Variants in CEP63 observed in about 807,000 individuals in gnomAD.
CEP63 encodes the protein centrosomal protein 63, also known as centrosomal protein of 63 kDa.
Under a neutral mutation model 89.1 loss-of-function variants are expected in CEP63, and 84 were observed. The observed-to-expected ratio is 0.94, with a 90% CI of 0.79 to 1.13. The LOEUF is 1.13. Among genes scored for constraint, CEP63 ranks in the 50% most tolerant of loss-of-function variants. CEP63 has a pLI of 0.00. For synonymous variants in CEP63, 267 were observed against 272.5 expected (o/e 0.98, Z 0.20); for missense variants, 838 against 813.3 (o/e 1.03, Z -0.37).
the CEP63 span, among the ~76,000 whole-genome samples, chr3:134,771,853 T>C: frequency 6.6e-6 from 1 of 152,038 alleles, no homozygotes; most frequent in African/African-American, 2.4e-5. Flanking sequence ...AAAAAAGAAG[T>C]CCATGCCCAT....
At chr3:134,661,509 AC>A in the CEP63 span, among the ~76,000 whole-genome samples, 2 of 152,190 alleles carry the variant, frequency 1.3e-5, no homozygotes. Flanking sequence ...CATGTAGTTG[AC>A]CTAGAAGATA....
At chr3:134,754,943 T>A in the CEP63 span, among the ~76,000 whole-genome samples, 1 of 151,904 alleles carries the variant, frequency 6.6e-6, no homozygotes, top group Non-Finnish European at 1.5e-5. Context: ...TAACAGGACT[T>A]TCCCTATCTC....
the CEP63 span, among the ~76,000 whole-genome samples, chr3:134,696,060 A>C: frequency 1.3e-5 from 2 of 152,228 alleles, no homozygotes; most frequent in Non-Finnish European, 2.9e-5. Flanking sequence ...TTGTCTGCCT[A>C]ATAAGACAAA....
Position 134,537,271 on chromosome 3 carries a change from A to C in CEP63, c.555+3A>C. ...CTGAACAATCAGAGATAATTCAGGT[A>C]GGCCTAAGACTTTTTAAAATAATGA... On this transcript the variant is annotated splice_donor_region_variant and intron_variant, in intron 6 of 14. Transcript: ENST00000675561. 2.5e-6 allele frequency: 4 copies of C among 1,571,376 alleles called. No individual in the cohort carries two copies.
Position 134,551,979 on chromosome 3 carries a change from A to G in CEP63, c.1434A>G (p.Glu478=). ...SLKLENRHLS[E]MVMKLELGLH... is the part of the protein sequence containing the mutation. ...AATTAGAAAATCGTCATCTTTCTGA[A>G]ATGGTGATGAAATTGGAATTGGGTT... The change falls in exon 12 of 15, where the codon GAA becomes GAG. Residue 478 remains glutamate, a synonymous_variant. Transcript: ENST00000675561. 1 of 1,607,150 alleles carries G rather than the reference A, an allele frequency of 6.2e-7. No homozygotes were observed. Among genetic ancestry groups the G allele is most frequent in the Non-Finnish European group, 8.5e-7 (1 of 1,175,500 alleles).
At chr3:134,567,467 C>CAAAAA (rs61700362), downstream of CEP63, among the ~76,000 whole-genome samples, 1 of 134,096 alleles carries the variant, frequency 7.5e-6, no homozygotes, top group Non-Finnish European at 1.6e-5. Flanking sequence ...TCACTGTTAC[C>CAAAAA]AAAAAAAAAA....
At chr3:134,566,129 CTT>C (rs11316038), downstream of CEP63, among the ~76,000 whole-genome samples, 22 of 150,250 alleles carry the variant, frequency 1.5e-4, no homozygotes, top group Admixed American at 1.1e-3. Context: ...CAATTCACAT[CTT>C]TTTTTTTTTC....
At chr3:134,595,705 T>C in the CEP63 span, among the ~76,000 whole-genome samples, 1 of 152,180 alleles carries the variant, frequency 6.6e-6, no homozygotes, top group African/African-American at 2.4e-5. Flanking sequence ...GGCCTTCTCA[T>C]TCTCAATCCT....
downstream of CEP63, among the ~76,000 whole-genome samples, chr3:134,591,204 C>A (rs1958589754): frequency 6.6e-6 from 1 of 152,200 alleles, no homozygotes; most frequent in Non-Finnish European, 1.5e-5. Flanking sequence ...GAAGGTATGT[C>A]ACCACTGTTT....
Position 134,546,275 on chromosome 3 carries a change from G to C in CEP63, c.916G>C (p.Val306Leu), listed in dbSNP as rs144258361. 2 of 1,613,298 alleles carry C rather than the reference G, an allele frequency of 1.2e-6. No homozygotes were observed. Among genetic ancestry groups the C allele is most frequent in the African/African-American group, 2.7e-5 (2 of 74,926 alleles). ...KVKATNTQHA[V>L]EAIRPREESL... ...AAAGGCAACTAACACTCAACATGCTGTAGAAGCTATAAGGTAAATTTAATC... is the reference window on the plus strand; with the variant it reads ...AAAGGCAACTAACACTCAACATGCTCTAGAAGCTATAAGGTAAATTTAATC... Residue 306 changes from valine (V) to leucine (L), a missense_variant, in exon 8 of 15, where the codon GTA becomes CTA. Physicochemically the swap from Val to Leu is conservative, Grantham distance 32. Transcript: ENST00000675561.
At chr3:134,665,488 G>A in the CEP63 span, among the ~76,000 whole-genome samples, 2 of 152,212 alleles carry the variant, frequency 1.3e-5, no homozygotes, top group African/African-American at 2.4e-5. Flanking sequence ...TGACAGTACA[G>A]TTTGCACTCC....
At chr3:134,495,188 A>G (rs1042382200) in intron 1 of CEP63, 108 bp from the exon 2 acceptor site, 4 of 816,282 alleles carry the variant, frequency 4.9e-6, no homozygotes, top group East Asian at 5.0e-5. Flanking sequence ...GAAGTGCTGC[A>G]TTTTTTCATT....
chr3:134,753,477 G>T, the CEP63 span, among the ~76,000 whole-genome samples: 152,270 of 152,304 alleles, frequency 1, 76,118 homozygotes, highest in Non-Finnish European at 1. Flanking sequence ...AGGACCCTTG[G>T]TCTCCATAGA....
intron 11 of CEP63, among the ~76,000 whole-genome samples, chr3:134,570,130 A>ATGGG (rs1364030744): frequency 1.3e-5 from 2 of 152,190 alleles, no homozygotes; most frequent in African/African-American, 4.8e-5. Flanking sequence ...CAGGCCTGTG[A>ATGGG]TGGGAGAGGC....
At chr3:134,499,249 G>A (rs570205399) in intron 2 of CEP63, among the ~76,000 whole-genome samples, 6 of 152,112 alleles carry the variant, frequency 3.9e-5, no homozygotes, top group South Asian at 2.1e-4. Flanking sequence ...TAATTCTTCC[G>A]AGTTCAATCT....
At chr3:134,738,202 A>T in the CEP63 span, among the ~76,000 whole-genome samples, 1 of 151,756 alleles carries the variant, frequency 6.6e-6, no homozygotes, top group Non-Finnish European at 1.5e-5. Flanking sequence ...AGGTCACTGG[A>T]AATGCTGTTA....
chr3:134,561,479 G>GA lies in CEP63; in HGVS notation c.2058dup (p.Glu687ArgfsTer7), dbSNP rs1212171104. 6.2e-7 allele frequency: 1 copy of GA among 1,613,790 alleles called. No individual in the cohort carries two copies. Among genetic ancestry groups the GA allele is most frequent in the Non-Finnish European group, 8.5e-7 (1 of 1,179,952 alleles). On this transcript the variant is annotated frameshift_variant, in exon 15 of 15. Transcript: ENST00000675561. LOFTEE classifies it high-confidence loss of function. ...TCTAGAGCGCTTGGATGCCCATATT[G>GA]AAGAACTAAAAAGAGAGAGTGAAAA...
At chr3:134,606,140 C>A in the CEP63 span, among the ~76,000 whole-genome samples, 1 of 152,172 alleles carries the variant, frequency 6.6e-6, no homozygotes, top group South Asian at 2.1e-4. Flanking sequence ...TCACTGCTCA[C>A]GGCCCCTGGT....
At chr3:134,556,908 T>A (rs1267813659) in intron 12 of CEP63, among the ~76,000 whole-genome samples, 2 of 152,214 alleles carry the variant, frequency 1.3e-5, no homozygotes, top group Non-Finnish European at 2.9e-5. Flanking sequence ...TAAGTATGTT[T>A]AATGACATCA....
Sources: allele counts gnomAD v4.1 joint callset (sites outside exome capture counted in the v4.1 genomes callset), GRCh38; gene constraint gnomAD v4.1.1; transcripts MANE v1.5; gene names NCBI Gene and HGNC (gene_info 2026-07-23, HGNC 2026-07-21).